The following ZNF385D variants were observed in gnomAD, a reference collection of about 807,000 sequenced individuals.
The protein encoded by ZNF385D is zinc finger protein 659.
ZNF385D carries 15 observed loss-of-function variants against 35.8 expected under a neutral mutation model. The ratio of observed to expected loss-of-function variants is 0.42; its 90% CI spans 0.28 to 0.64. The LOEUF (loss-of-function observed/expected upper bound fraction) is 0.64. Ranked by LOEUF, ZNF385D falls within the 30% of genes least tolerant of loss-of-function variation. The pLI is 0.23. For missense variants in ZNF385D, 474 were observed against 494.6 expected, an observed-to-expected ratio of 0.96 and a Z score of 0.39; for synonymous variants, 212 against 186.8, an observed-to-expected ratio of 1.13 and a Z score of -1.10.
rs1344671964 is a variant in ZNF385D at position 22,128,631 on chromosome 3, C to T, written c.325+40186G>A. Among the ~76,000 whole-genome samples the T allele has an allele frequency of 5.3e-5, 8 of 152,122 alleles. No individual in the cohort carries two copies. In the South Asian group the frequency reaches 1.2e-3, roughly 24 times the overall value. On this transcript the variant is annotated intron_variant, in intron 3 of 5. Coordinates refer to the ZNF385D transcript ENST00000494108. ...TCTTCAAACTCACTCATTCTTTCTT[C>T]TGTTTGATAAATTATGCTGTTGAGA... is the stretch of plus-strand genomic sequence containing the variant.
chr3:22,195,212 C>T (rs1276159424), intron 2 of ZNF385D, among the ~76,000 whole-genome samples: 1 of 151,808 alleles, frequency 6.6e-6, no homozygotes, highest in Non-Finnish European at 1.5e-5. Flanking sequence ...TTTGCATTTC[C>T]TTAATGACTA....
At chr3:21,929,727 C>T (rs1027444785) in intron 3 of ZNF385D, among the ~76,000 whole-genome samples, 2 of 151,710 alleles carry the variant, frequency 1.3e-5, no homozygotes, top group Non-Finnish European at 2.9e-5. Context: ...GAGTAGAACA[C>T]TGAGGAATAA....
chr3:21,813,579 A>T (rs1453441588), intron 3 of ZNF385D, among the ~76,000 whole-genome samples: 1 of 152,200 alleles, frequency 6.6e-6, no homozygotes, highest in Non-Finnish European at 1.5e-5. Flanking sequence ...AGCTGATTTG[A>T]TCAAGTGGAA....
chr3:22,070,595 T>C (rs889303908), intron 3 of ZNF385D, among the ~76,000 whole-genome samples: 1 of 152,126 alleles, frequency 6.6e-6, no homozygotes, highest in Admixed American at 6.6e-5. Flanking sequence ...TATTTTCAAA[T>C]GGACAAACAT....
chr3:21,911,493 G>A (rs1699961060), intron 3 of ZNF385D, among the ~76,000 whole-genome samples: 2 of 151,716 alleles, frequency 1.3e-5, no homozygotes, highest in African/African-American at 4.8e-5. Flanking sequence ...AAATTCTAAA[G>A]GTTTTTTATT....
chr3:21,564,512 G>T (rs1217534865), intron 3 of ZNF385D, 62 bp downstream of exon 3: 5 of 1,042,596 alleles, frequency 4.8e-6, no homozygotes, highest in South Asian at 2.0e-5. Context: ...CTTTTCTCCT[G>T]CAAGATTAGA....
chr3:21,435,599 G>T (rs2125229602), intron 5 of ZNF385D, among the ~76,000 whole-genome samples: 1 of 152,202 alleles, frequency 6.6e-6, no homozygotes, highest in African/African-American at 2.4e-5. Flanking sequence ...CAAAGGACAT[G>T]GTGTGTTTAT....
intron 1 of ZNF385D, among the ~76,000 whole-genome samples, chr3:21,703,928 A>G (rs2067798234): frequency 6.6e-6 from 1 of 152,186 alleles, no homozygotes; most frequent in Non-Finnish European, 1.5e-5. Context: ...AGATCTTCGA[A>G]CATGCCAAAC....
intron 2 of ZNF385D, among the ~76,000 whole-genome samples, chr3:22,210,774 A>G (rs116400567): frequency 0.011 from 1,686 of 151,980 alleles, 25 homozygotes; most frequent in African/African-American, 0.038. Flanking sequence ...AGCCATATGG[A>G]ACAAGAGCTT....
At chr3:22,206,718 C>T (rs1369791508) in intron 2 of ZNF385D, among the ~76,000 whole-genome samples, 2 of 151,780 alleles carry the variant, frequency 1.3e-5, no homozygotes, top group Non-Finnish European at 2.9e-5. Flanking sequence ...TGAAAAATTT[C>T]TTGAAACAAA....
At chr3:22,215,305 G>A (rs748929207) in intron 2 of ZNF385D, among the ~76,000 whole-genome samples, 13 of 151,990 alleles carry the variant, frequency 8.6e-5, no homozygotes, top group Non-Finnish European at 1.3e-4. Context: ...AACTCTGACC[G>A]CTGGTGAGCC....
At chr3:22,129,347 G>C (rs1293343072) in intron 3 of ZNF385D, among the ~76,000 whole-genome samples, 2 of 152,138 alleles carry the variant, frequency 1.3e-5, no homozygotes, top group African/African-American at 4.8e-5. Flanking sequence ...TGCTGAGTTT[G>C]TTCAAGGCCC....
intron 3 of ZNF385D, among the ~76,000 whole-genome samples, chr3:21,983,756 G>T (rs1694646453): frequency 3.0e-5 from 1 of 32,844 alleles, no homozygotes; most frequent in Non-Finnish European, 5.4e-5. Context: ...TTCCACAATG[G>T]TTGAACTAGT....
At chr3:22,332,144 C>A (rs564919977) in intron 2 of ZNF385D, among the ~76,000 whole-genome samples, 1 of 152,256 alleles carries the variant, frequency 6.6e-6, no homozygotes, top group South Asian at 2.1e-4. Flanking sequence ...TAAGAGGAGG[C>A]CTAACAAGAC....
At chr3:21,985,053 AAGG>A (rs1346028445) in intron 3 of ZNF385D, among the ~76,000 whole-genome samples, 43 of 147,334 alleles carry the variant, frequency 2.9e-4, no homozygotes, top group African/African-American at 1.1e-3. Context: ...TTATCAGCTT[AAGG>A]AGATTTTGGG....
At chr3:22,169,987 T>C (rs1171212067) in intron 2 of ZNF385D, among the ~76,000 whole-genome samples, 1 of 152,190 alleles carries the variant, frequency 6.6e-6, no homozygotes, top group Non-Finnish European at 1.5e-5. Flanking sequence ...TTAGAGTAAC[T>C]ATTGTAATCT....
chr3:21,738,601 A>G (rs2069360246), intron 1 of ZNF385D, among the ~76,000 whole-genome samples: 1 of 152,192 alleles, frequency 6.6e-6, no homozygotes, highest in East Asian at 1.9e-4. Flanking sequence ...TCACATCCCT[A>G]TCTCAGGACC....
intron 3 of ZNF385D, among the ~76,000 whole-genome samples, chr3:22,090,192 T>A (rs964536503): frequency 2.0e-5 from 3 of 152,298 alleles, no homozygotes; most frequent in African/African-American, 7.2e-5. Context: ...CTACAAAATT[T>A]CTGCTCTGGG....
At chr3:22,199,260 T>C (rs769007133) in intron 2 of ZNF385D, among the ~76,000 whole-genome samples, 1 of 152,140 alleles carries the variant, frequency 6.6e-6, no homozygotes, top group African/African-American at 2.4e-5. Context: ...CTGCCCAATG[T>C]AGATTACATT....
Sources: gnomAD v4.1 joint callset for allele counts (sites outside exome capture counted in the v4.1 genomes callset) on GRCh38, gnomAD v4.1.1 for gene constraint, MANE v1.5 for transcripts, NCBI Gene and HGNC (gene_info 2026-07-23, HGNC 2026-07-21) for gene names.